METTL14: variants seen among roughly 807,000 people sequenced by gnomAD.
METTL14 encodes methyltransferase 14, N6-adenosine-methyltransferase non-catalytic subunit, also known as N(6)-adenosine-methyltransferase non-catalytic subunit METTL14.
A neutral mutation model predicts 62.4 loss-of-function variants in METTL14; 32 were observed. The observed-to-expected ratio is 0.51, with a 90% CI of 0.39 to 0.69. METTL14 has a LOEUF of 0.69. Among genes scored for constraint, METTL14 ranks in the 30% least tolerant of loss-of-function variants. The pLI, the probability that METTL14 is intolerant of heterozygous loss-of-function variation, is 0.00. For missense variants in METTL14, 340 were observed against 551.9 expected (o/e 0.62, Z 3.85); for synonymous variants, 150 against 180.0 (o/e 0.83, Z 1.34).
intron 7 of METTL14, among the ~76,000 whole-genome samples, chr4:118,697,621 T>A (rs547996140): frequency 5.3e-5 from 8 of 152,164 alleles, no homozygotes; most frequent in Non-Finnish European, 1.2e-4. Context: ...TAAAAACAGA[T>A]GGAATGATTC....
At chr4:118,687,233 T>C (rs895222451) in intron 1 of METTL14, among the ~76,000 whole-genome samples, 2 of 152,216 alleles carry the variant, frequency 1.3e-5, no homozygotes. Flanking sequence ...TATTTGCATA[T>C]TACTTACTGG....
Position 118,700,749 on chromosome 4 carries a change from T to C in METTL14, c.738+107T>C. The C allele has an allele frequency of 9.6e-6, 7 of 729,324 alleles. No individual in the cohort carries two copies. In the South Asian group the frequency reaches 1.5e-4, roughly 16 times the overall value. The allele number at this position is 729,324 out of a possible 1,614,324, so 45.2% of individuals were successfully genotyped here. On this transcript the variant is annotated intron_variant, in intron 8 of 10. Transcript: ENST00000388822. Reference sequence around the variant, plus strand: ...TGGATGTTATTTTGTCCTTTGTTTCTTAAATAATTCTAAAATAGTGAGAAA... The same window carrying C: ...TGGATGTTATTTTGTCCTTTGTTTCCTAAATAATTCTAAAATAGTGAGAAA...
At chr4:118,691,106 CTTT>C (rs33920104) in intron 3 of METTL14, among the ~76,000 whole-genome samples, 1 of 148,092 alleles carries the variant, frequency 6.8e-6, no homozygotes, top group Non-Finnish European at 1.5e-5. Context: ...ATGTTTGTGA[CTTT>C]TTTTTTTATT....
chr4:118,705,805 T>C lies in METTL14; in HGVS notation c.1050T>C (p.Asp350=). 1 of 1,613,562 alleles carries C rather than the reference T, an allele frequency of 6.2e-7. No individual in the cohort carries two copies. The highest frequency in any genetic ancestry group is 8.5e-7 in the Non-Finnish European group (1 of 1,179,722). The change falls in exon 10 of 11, where the codon GAT becomes GAC. Residue 350 remains aspartate (D), a synonymous_variant. Transcript: ENST00000388822. ...GRRRLHLFGR[D]STIRPGWLTV... ...GACGCCTTCATCTATTTGGAAGAGA[T>C]AGTACAATTCGACCAGGTAGGACCT...
intron 10 of METTL14, among the ~76,000 whole-genome samples, chr4:118,707,760 T>C (rs1724798650): frequency 6.6e-6 from 1 of 151,916 alleles, no homozygotes; most frequent in South Asian, 2.1e-4. Context: ...ACATATACCT[T>C]AGGAATACAA....
intron 1 of METTL14, among the ~76,000 whole-genome samples, chr4:118,687,202 G>C (rs1472679462): frequency 1.3e-5 from 2 of 152,128 alleles, no homozygotes; most frequent in Non-Finnish European, 2.9e-5. Flanking sequence ...TTGGATTTCA[G>C]ATTTTTTTCA....
At chr4:118,708,155 G>A (rs1724814274) in intron 10 of METTL14, among the ~76,000 whole-genome samples, 1 of 152,112 alleles carries the variant, frequency 6.6e-6, no homozygotes. Context: ...TCTGTTCTTA[G>A]TAATACCTTT....
At chr4:118,700,116 A>G (rs1724543214) in intron 7 of METTL14, among the ~76,000 whole-genome samples, 1 of 152,068 alleles carries the variant, frequency 6.6e-6, no homozygotes. Flanking sequence ...TCTTCTGTAG[A>G]CACTGGATAT....
At chr4:118,699,448 T>G (rs951035388) in intron 7 of METTL14, among the ~76,000 whole-genome samples, 2 of 152,210 alleles carry the variant, frequency 1.3e-5, no homozygotes, top group Non-Finnish European at 2.9e-5. Flanking sequence ...TGATATTTCT[T>G]GCAGAGAAGT....
chr4:118,690,202 G>T (rs932460295), intron 3 of METTL14, among the ~76,000 whole-genome samples: 1 of 150,766 alleles, frequency 6.6e-6, no homozygotes, highest in Non-Finnish European at 1.5e-5. Context: ...CACGACGCCC[G>T]GCTATTTTTG....
chr4:118,696,535 T>A (rs1396407098), intron 6 of METTL14, among the ~76,000 whole-genome samples: 3 of 152,132 alleles, frequency 2.0e-5, no homozygotes, highest in African/African-American at 7.2e-5. Context: ...TAGTGAGACC[T>A]TGTCTCAAAC....
Position 118,692,014 on chromosome 4 carries a change from T to C in METTL14, c.358T>C (p.Cys120Arg). Reference sequence around the variant, plus strand: ...GAGCTTAAATCCCCATAATGATTACTGCCAACATTTTGTAGACACTGGACA... The same window carrying C: ...GAGCTTAAATCCCCATAATGATTACCGCCAACATTTTGTAGACACTGGACA... ...TQSLNPHNDYCQHFVDTGHRP... is the reference protein window; with the variant it reads ...TQSLNPHNDYRQHFVDTGHRP... Residue 120 changes from cysteine (C) to arginine (R), a missense_variant, in exon 5 of 11, where the codon TGC becomes CGC. Physicochemically the swap from Cys to Arg is radical, Grantham distance 180. This residue lies in a region of METTL14 where 16 missense variants were observed against 70.3 expected (regional missense o/e 0.23). Coordinates refer to ENST00000388822, the MANE Select transcript of METTL14 (RefSeq NM_020961.4). 6.2e-7 allele frequency: 1 copy of C among 1,612,448 alleles called. No homozygotes were observed. Among genetic ancestry groups the C allele is most frequent in the Non-Finnish European group, 8.5e-7 (1 of 1,179,214 alleles).
At chr4:118,692,188 C>G (rs1313353695) in intron 5 of METTL14, 120 bp downstream of exon 5, 4 of 633,254 alleles carry the variant, frequency 6.3e-6, no homozygotes, top group Non-Finnish European at 8.2e-6. Context: ...TTTTTTCGTT[C>G]TCAGTGCTTC....
chr4:118,692,458 A>G (rs1466887903), intron 5 of METTL14, among the ~76,000 whole-genome samples: 1 of 151,832 alleles, frequency 6.6e-6, no homozygotes, highest in African/African-American at 2.4e-5. Flanking sequence ...GGAACTCCCG[A>G]GGTTTCACCA....
intron 9 of METTL14, 115 bp downstream of exon 9, chr4:118,704,166 T>G: frequency 1.5e-6 from 1 of 649,088 alleles, no homozygotes; most frequent in Non-Finnish European, 2.6e-6. Flanking sequence ...CTTAGACTTG[T>G]AAAGACAGCA....
At position 118,711,606 on chromosome 4, in the gene METTL14, A is replaced by T. The variant is rs1724923078; in HGVS notation, c.*1304A>T. 1 of 152,128 alleles carries T rather than the reference A, an allele frequency of 6.6e-6. No homozygotes were observed. Among genetic ancestry groups the T allele is most frequent in the South Asian group, 2.1e-4 (1 of 4,836 alleles). The allele number at this position is 152,128 out of a possible 1,614,324, so 9.4% of individuals were successfully genotyped here. A position where few individuals can be genotyped will look rare whatever the true frequency, so the allele number is the denominator to read the frequency against. ...TGAGATTATATTACATCCACCAAAGACTCAGTTTGAAGATAAGGAATGAGT... is the reference window on the plus strand; with the variant it reads ...TGAGATTATATTACATCCACCAAAGTCTCAGTTTGAAGATAAGGAATGAGT... On this transcript the variant is annotated 3_prime_UTR_variant, in exon 11 of 11. Coordinates refer to ENST00000388822, the MANE Select transcript of METTL14 (RefSeq NM_020961.4).
chr4:118,713,202 A>T lies in METTL14; in HGVS notation c.*2900A>T, dbSNP rs372178329. 16 of 152,310 alleles carry T rather than the reference A, an allele frequency of 1.1e-4. No homozygotes were observed. In the South Asian group the frequency reaches 3.3e-3, roughly 32 times the overall value. The allele number at this position is 152,310 out of a possible 1,614,324, so 9.4% of individuals were successfully genotyped here. A position where few individuals can be genotyped will look rare whatever the true frequency, so the allele number is the denominator to read the frequency against. On this transcript the variant is annotated 3_prime_UTR_variant, in exon 11 of 11. Coordinates refer to ENST00000388822, the MANE Select transcript of METTL14 (RefSeq NM_020961.4). ...TGGTAAGTAGTAGAGCCACTTTATG[A>T]GCCCTTATTTCCTATCTCCCTTATT...
At position 118,697,256 on chromosome 4, in the gene METTL14, C is replaced by T; in HGVS notation, c.578C>T (p.Pro193Leu). The change falls in exon 7 of 11, where the codon CCC becomes CTC. Residue 193 changes from proline to leucine, a missense_variant. By Grantham distance (98) the Pro-to-Leu change is moderately conservative. This residue lies in a region of METTL14 where 41 missense variants were observed against 44.0 expected (regional missense o/e 0.93). Coordinates refer to ENST00000388822, the MANE Select transcript of METTL14 (RefSeq NM_020961.4). Reference sequence around the variant, plus strand: ...AAATTTGATGTGATTCTTCTGGAACCCCCTTTAGAAGAATATTACAGAGAA... The same window carrying T: ...AAATTTGATGTGATTCTTCTGGAACTCCCTTTAGAAGAATATTACAGAGAA... ...TPKFDVILLE[P>L]PLEEYYRETG... 6.2e-7 allele frequency: 1 copy of T among 1,611,288 alleles called. No individual in the cohort carries two copies. The highest frequency in any genetic ancestry group is 1.1e-5 in the South Asian group (1 of 90,768).
intron 6 of METTL14, among the ~76,000 whole-genome samples, chr4:118,695,490 A>C (rs1469558348): frequency 6.6e-6 from 1 of 152,244 alleles, no homozygotes; most frequent in Non-Finnish European, 1.5e-5. Context: ...CAGAGGTTGC[A>C]GTGAGCCGAG....
Sources: gnomAD v4.1 joint callset for allele counts (sites outside exome capture counted in the v4.1 genomes callset) on GRCh38, gnomAD v4.1.1 for gene constraint, gnomAD v4.1.1 regional missense constraint, MANE v1.5 for transcripts, NCBI Gene and HGNC (gene_info 2026-07-23, HGNC 2026-07-21) for gene names.